The following CCND3 variants were observed in gnomAD, a reference collection of about 807,000 sequenced individuals.
CCND3 encodes G1/S-specific cyclin-D3.
Under a neutral mutation model 28.7 loss-of-function variants are expected in CCND3, and 9 were observed. That is an observed-to-expected ratio of 0.31 (90% confidence interval 0.19 to 0.55). The LOEUF (loss-of-function observed/expected upper bound fraction) is 0.55. Ranked by LOEUF, CCND3 falls within the 20% of genes least tolerant of loss-of-function variation. The pLI, the probability that CCND3 is intolerant of heterozygous loss-of-function variation, is 0.93. For synonymous variants in CCND3, 164 were observed against 163.9 expected (o/e 1.00, Z 0.00); for missense variants, 315 against 385.8 (o/e 0.82, Z 1.54).
At chr6:42,022,246 C>G (rs1469676203) in intron 1 of CCND3, among the ~76,000 whole-genome samples, 1 of 152,130 alleles carries the variant, frequency 6.6e-6, no homozygotes, top group Non-Finnish European at 1.5e-5. Context: ...GCCAAAGCAC[C>G]CTCACTTTCT....
At chr6:42,019,724 C>T (rs1763644851) in intron 1 of CCND3, among the ~76,000 whole-genome samples, 1 of 151,878 alleles carries the variant, frequency 6.6e-6, no homozygotes, top group Non-Finnish European at 1.5e-5. Flanking sequence ...GGAATTTAAA[C>T]TTTTATTTTC....
intron 1 of CCND3, chr6:42,030,013 C>T (rs1474812449): frequency 6.6e-6 from 1 of 152,272 alleles, no homozygotes; most frequent in Non-Finnish European, 1.5e-5. Flanking sequence ...ACTCACCCAT[C>T]TGCCCTGTGG....
chr6:41,962,203 C>T (rs766386834), intron 1 of CCND3, among the ~76,000 whole-genome samples: 5 of 152,074 alleles, frequency 3.3e-5, no homozygotes, highest in Non-Finnish European at 7.4e-5. Flanking sequence ...CAGGTTCAAG[C>T]GATTCTTCTG....
intron 1 of CCND3, among the ~76,000 whole-genome samples, chr6:41,956,985 C>T (rs938846128): frequency 1.3e-5 from 2 of 152,052 alleles, no homozygotes; most frequent in Admixed American, 6.6e-5. Flanking sequence ...GAGCCAAGAT[C>T]GCACCACTGC....
At chr6:41,980,209 C>T (rs540424525) in intron 1 of CCND3, among the ~76,000 whole-genome samples, 3 of 151,704 alleles carry the variant, frequency 2.0e-5, no homozygotes, top group Non-Finnish European at 4.4e-5. Context: ...AATCTTGGCT[C>T]GCTGCAACCT....
intron 1 of CCND3, among the ~76,000 whole-genome samples, chr6:41,997,131 G>A (rs781235515): frequency 6.6e-6 from 1 of 152,156 alleles, no homozygotes; most frequent in Non-Finnish European, 1.5e-5. Flanking sequence ...GACAAAGGAG[G>A]CTGATGATCT....
chr6:42,042,965 G>C (rs1014141526), intron 1 of CCND3, among the ~76,000 whole-genome samples: 1 of 152,238 alleles, frequency 6.6e-6, no homozygotes, highest in African/African-American at 2.4e-5. Context: ...ATGAGAGATG[G>C]CACAGATTAG....
At chr6:41,956,733 T>C (rs1292996386) in intron 1 of CCND3, among the ~76,000 whole-genome samples, 1 of 152,006 alleles carries the variant, frequency 6.6e-6, no homozygotes, top group Non-Finnish European at 1.5e-5. Context: ...ATTGTTGTAA[T>C]ATAAAACAAT....
intron 1 of CCND3, among the ~76,000 whole-genome samples, chr6:41,960,044 T>C (rs1200378078): frequency 6.6e-6 from 1 of 152,238 alleles, no homozygotes; most frequent in Non-Finnish European, 1.5e-5. Flanking sequence ...GAATATCATT[T>C]AGCCATAAAA....
chr6:42,026,004 C>T (rs144706341), intron 1 of CCND3, among the ~76,000 whole-genome samples: 211 of 152,302 alleles, frequency 1.4e-3, no homozygotes, highest in African/African-American at 4.7e-3. Context: ...CATGGAGATT[C>T]CCACCTCCAG....
At chr6:42,027,754 G>A (rs897409634) in intron 1 of CCND3, among the ~76,000 whole-genome samples, 3 of 150,724 alleles carry the variant, frequency 2.0e-5, no homozygotes, top group African/African-American at 7.3e-5. Flanking sequence ...TTGTTTGTTT[G>A]TTTGTTTTTG....
intron 1 of CCND3, among the ~76,000 whole-genome samples, chr6:42,016,233 C>G (rs10948004): frequency 6.6e-6 from 1 of 152,010 alleles, no homozygotes; most frequent in Non-Finnish European, 1.5e-5. Context: ...CTGCGCCCAG[C>G]CACAGTATGT....
chr6:41,962,619 T>A (rs946264885), intron 1 of CCND3, among the ~76,000 whole-genome samples: 2 of 152,156 alleles, frequency 1.3e-5, no homozygotes, highest in African/African-American at 4.8e-5. Context: ...AAATGTGGTG[T>A]GCACCTATAG....
intron 1 of CCND3, among the ~76,000 whole-genome samples, chr6:41,979,384 A>G (rs1462263873): frequency 6.6e-6 from 1 of 150,962 alleles, no homozygotes; most frequent in Admixed American, 6.6e-5. Context: ...AATACAAAAC[A>G]TTAGTCTGGT....
At chr6:42,027,839 C>T (rs1763926947) in intron 1 of CCND3, among the ~76,000 whole-genome samples, 1 of 152,134 alleles carries the variant, frequency 6.6e-6, no homozygotes, top group Non-Finnish European at 1.5e-5. Context: ...CCTCCGCCTC[C>T]TGGGTTCAAG....
At chr6:42,018,799 G>T (rs954936552) in intron 1 of CCND3, among the ~76,000 whole-genome samples, 3 of 151,282 alleles carry the variant, frequency 2.0e-5, no homozygotes, top group Non-Finnish European at 4.4e-5. Context: ...GCTGAGGCAG[G>T]AGAATCACTT....
intron 1 of CCND3, among the ~76,000 whole-genome samples, chr6:42,027,948 C>G (rs976820329): frequency 2.6e-5 from 4 of 152,056 alleles, no homozygotes; most frequent in Admixed American, 2.6e-4. Context: ...GGTTTTTCCA[C>G]GTTGGTCAGG....
intron 1 of CCND3, among the ~76,000 whole-genome samples, chr6:41,982,316 T>A (rs1762369901): frequency 1.3e-5 from 2 of 150,408 alleles, no homozygotes; most frequent in South Asian, 4.2e-4. Context: ...ATACTAGCAA[T>A]GAACAAGTGG....
chr6:41,999,064 C>A (rs1762906540), intron 1 of CCND3, among the ~76,000 whole-genome samples: 1 of 152,096 alleles, frequency 6.6e-6, no homozygotes, highest in Admixed American at 6.6e-5. Flanking sequence ...AGAAAACTGA[C>A]ATAAAAAGAT....
Sources: allele counts gnomAD v4.1 joint callset (sites outside exome capture counted in the v4.1 genomes callset), GRCh38; gene constraint gnomAD v4.1.1; transcripts MANE v1.5; gene names NCBI Gene and HGNC (gene_info 2026-07-23, HGNC 2026-07-21).